The following U2AF2 variants were observed in gnomAD, a reference collection of about 807,000 sequenced individuals.
U2AF2 encodes splicing factor U2AF 65 kDa subunit.
A neutral mutation model predicts 52.6 loss-of-function variants in U2AF2; 6 were observed. The observed-to-expected ratio is 0.11, with a 90% CI of 0.06 to 0.23. U2AF2 has a LOEUF of 0.23. Among genes scored for constraint, U2AF2 ranks in the 10% least tolerant of loss-of-function variants. The probability of loss-of-function intolerance (pLI) is 1.00; values close to 1 mark genes in which losing one functional copy is unlikely to be tolerated. For missense variants in U2AF2, 222 were observed against 677.1 expected (o/e 0.33, Z 7.46); for synonymous variants, 284 against 258.2 (o/e 1.10, Z -0.96).
intron 7 of U2AF2, 25 bp downstream of exon 7, chr19:55,663,769 C>T: frequency 1.2e-6 from 2 of 1,613,356 alleles, no homozygotes; most frequent in South Asian, 1.1e-5. Context: ...CATTAAGGGC[C>T]CCTTTCTCCC....
chr19:55,672,004 C>T (rs1051634382), intron 11 of U2AF2: 1 of 152,050 alleles, frequency 6.6e-6, no homozygotes, highest in Non-Finnish European at 1.5e-5. Context: ...CGGTGCGTGC[C>T]TGTAATCCCA....
At chr19:55,673,552 G>A (rs1985067797) in intron 11 of U2AF2, among the ~76,000 whole-genome samples, 1 of 152,146 alleles carries the variant, frequency 6.6e-6, no homozygotes, top group South Asian at 2.1e-4. Context: ...TTATTGTTGG[G>A]AGAACATGGC....
At chr19:55,660,296 C>T (rs868091375) in intron 3 of U2AF2, 75 bp downstream of exon 3, 47 of 1,525,298 alleles carry the variant, frequency 3.1e-5, no homozygotes, top group South Asian at 3.6e-5. Context: ...CACCCTGTCC[C>T]GCCCATTTCC....
intron 10 of U2AF2, 46 bp downstream of exon 10, chr19:55,669,227 G>T: frequency 6.2e-7 from 1 of 1,604,508 alleles, no homozygotes; most frequent in South Asian, 1.1e-5. Context: ...GGTGGGAGGG[G>T]CTGGCTAGTA....
chr19:55,673,292 G>T (rs1222721515), intron 11 of U2AF2, among the ~76,000 whole-genome samples: 1 of 149,692 alleles, frequency 6.7e-6, no homozygotes, highest in African/African-American at 2.4e-5. Context: ...TACAAAGTTT[G>T]TGTAATTTAT....
intron 1 of U2AF2, 108 bp downstream of exon 1, chr19:55,655,261 G>T (rs1600065705): frequency 7.9e-7 from 1 of 1,261,282 alleles, no homozygotes; most frequent in South Asian, 1.3e-5. Context: ...GCCGCGCGGC[G>T]CCCCCCAACC....
chr19:55,660,537 G>A lies in U2AF2; in HGVS notation c.252G>A (p.Lys84=). The A allele has an allele frequency of 6.9e-7, 1 of 1,447,876 alleles. No homozygotes were observed. The highest frequency in any genetic ancestry group is 1.5e-5 in the African/African-American group (1 of 65,272). 89.7% of individuals were successfully genotyped at this position (1,447,876 alleles called of 1,614,324 possible). The stretch of plus-strand genomic sequence containing the variant: ...CCAGTCGTTCCCCCCGCCACGAGAA[G>A]AAGAAGAAGGTCCGTAAATACTGGG... ...GGLIRSPRHE[K]KKKVRKYWDV... is the part of the protein sequence containing the mutation. Residue 84 remains lysine, a synonymous_variant, in exon 4 of 12, where the codon AAG becomes AAA. Coordinates refer to ENST00000308924, the MANE Select transcript of U2AF2 (RefSeq NM_007279.3).
chr19:55,661,460 T>A (rs1600074109), intron 5 of U2AF2: 1 of 431,912 alleles, frequency 2.3e-6, no homozygotes, highest in Non-Finnish European at 4.1e-6. Context: ...ACCCACGTGT[T>A]GTACCTACGT....
intron 2 of U2AF2, among the ~76,000 whole-genome samples, chr19:55,659,691 T>C (rs1385393036): frequency 6.6e-6 from 1 of 152,094 alleles, no homozygotes; most frequent in African/African-American, 2.4e-5. Flanking sequence ...TTCGACTCTC[T>C]GTGGCTCTCT....
At chr19:55,655,403 G>A (rs1350752630) in intron 1 of U2AF2, among the ~76,000 whole-genome samples, 1 of 152,178 alleles carries the variant, frequency 6.6e-6, no homozygotes, top group Non-Finnish European at 1.5e-5. Flanking sequence ...GCCCCACGTG[G>A]TCCTGGCGGA....
At chr19:55,659,158 G>A in intron 1 of U2AF2, 52 bp from the exon 2 acceptor site, 1 of 1,471,390 alleles carries the variant, frequency 6.8e-7, no homozygotes, top group Non-Finnish European at 9.1e-7. Flanking sequence ...GGTGGGCTGG[G>A]CCCGCATCCT....
At chr19:55,666,323 GC>G (rs1984547442) in intron 7 of U2AF2, among the ~76,000 whole-genome samples, 1 of 152,226 alleles carries the variant, frequency 6.6e-6, no homozygotes, top group African/African-American at 2.4e-5. Context: ...CTTTGTAGAT[GC>G]AGCCGCTGCA....
At chr19:55,662,207 C>G in intron 5 of U2AF2, 1 of 306,672 alleles carries the variant, frequency 3.3e-6, no homozygotes, top group Non-Finnish European at 6.1e-6. Flanking sequence ...CTTGAACAAT[C>G]TTCTCCTTTC....
In U2AF2 at chr19:55,669,435, G is replaced by A. The variant is rs376135848; in HGVS notation, c.1045-9G>A. The A allele has an allele frequency of 1.9e-6, 3 of 1,589,514 alleles. No individual in the cohort carries two copies. The African/African-American group carries it at 4.0e-5, about 21-fold the overall frequency. ...CCCTGTGACGCCGCTGCCTCCCCTG[G>A]CCCCACAGAGCACCATCAATCAGAC... On this transcript the variant is annotated splice_polypyrimidine_tract_variant and intron_variant, in intron 10 of 11. Transcript: ENST00000308924.
Position 55,655,291 on chromosome 19 carries a change from C to T in U2AF2, c.49+138C>T, listed in dbSNP as rs1334286241. On this transcript the variant is annotated intron_variant, in intron 1 of 11. Transcript: ENST00000308924. ...CCAACCCTGGTTCCGTGGCGCGCGCCTCGTTCACGTGACGTCCCCAGCGTT... is the reference window on the plus strand; with the variant it reads ...CCAACCCTGGTTCCGTGGCGCGCGCTTCGTTCACGTGACGTCCCCAGCGTT... 4.2e-6 allele frequency: 4 copies of T among 956,588 alleles called. No individual in the cohort carries two copies. In the African/African-American group the frequency reaches 5.3e-5, roughly 13 times the overall value. 59.3% of individuals were successfully genotyped at this position (956,588 alleles called of 1,614,324 possible). A position where few individuals can be genotyped will look rare whatever the true frequency, so the allele number is the denominator to read the frequency against.
At chr19:55,666,863 G>T (rs915410474) in intron 7 of U2AF2, among the ~76,000 whole-genome samples, 1 of 152,262 alleles carries the variant, frequency 6.6e-6, no homozygotes, top group Non-Finnish European at 1.5e-5. Flanking sequence ...CTGCCATGCT[G>T]CCTGTGGGGA....
chr19:55,660,344 T>G, intron 3 of U2AF2, 123 bp downstream of exon 3: 1 of 1,217,290 alleles, frequency 8.2e-7, no homozygotes, highest in South Asian at 1.4e-5. Context: ...CCACTTACCT[T>G]GAAACCAGCA....
intron 6 of U2AF2, 105 bp downstream of exon 6, chr19:55,662,723 C>T: frequency 2.2e-6 from 2 of 917,980 alleles, no homozygotes; most frequent in South Asian, 1.5e-5. Context: ...CCACCAGGCC[C>T]TCTGCAGCCT....
chr19:55,655,187 G>A (rs750567199), intron 1 of U2AF2, 34 bp downstream of exon 1: 12 of 1,591,196 alleles, frequency 7.5e-6, no homozygotes, highest in Non-Finnish European at 1.0e-5. Flanking sequence ...CGGAGGTGTG[G>A]GCGGCTCCTC....
Sources: gnomAD v4.1 joint callset for allele counts (sites outside exome capture counted in the v4.1 genomes callset) on GRCh38, gnomAD v4.1.1 for gene constraint, MANE v1.5 for transcripts, NCBI Gene and HGNC (gene_info 2026-07-23, HGNC 2026-07-21) for gene names.